TIPIN: variants seen among roughly 807,000 people sequenced by gnomAD.
TIPIN encodes the protein TIMELESS interacting protein, also known as TIMELESS-interacting protein.
A neutral mutation model predicts 35.6 loss-of-function variants in TIPIN; 29 were observed. The observed-to-expected ratio is 0.82, with a 90% CI of 0.61 to 1.11. The LOEUF (loss-of-function observed/expected upper bound fraction) is 1.11, where lower values mean the gene tolerates loss of function less well. TIPIN is among the 50% of genes most tolerant of loss of function. The probability of loss-of-function intolerance (pLI) is 0.00; values close to 1 mark genes in which losing one functional copy is unlikely to be tolerated. For missense variants in TIPIN, 296 were observed against 345.4 expected (o/e 0.86, Z 1.13); for synonymous variants, 102 against 121.5 (o/e 0.84, Z 1.06).
intron 1 of TIPIN, among the ~76,000 whole-genome samples, chr15:66,378,758 A>G (rs1445578014): frequency 1.4e-5 from 2 of 148,052 alleles, no homozygotes; most frequent in Non-Finnish European, 3.0e-5. Flanking sequence ...TTTTTTTGAG[A>G]CAGGGTCTCA....
Position 66,336,936 on chromosome 15 carries a change from T to C in TIPIN, c.*22A>G. 1 of 1,598,526 alleles carries C rather than the reference T, an allele frequency of 6.3e-7. No individual in the cohort carries two copies. The highest frequency in any genetic ancestry group is 2.2e-5 in the East Asian group (1 of 44,590). ...GCTTGCAGGACGATGACTTAACAGATACATTTTCTCTTAATGGAAACTTAT... is the reference window on the plus strand; with the variant it reads ...GCTTGCAGGACGATGACTTAACAGACACATTTTCTCTTAATGGAAACTTAT... On this transcript the variant is annotated 3_prime_UTR_variant, in exon 8 of 8. Coordinates refer to ENST00000261881, the MANE Select transcript of TIPIN (RefSeq NM_017858.3).
intron 1 of TIPIN, among the ~76,000 whole-genome samples, chr15:66,385,527 T>C (rs1025634385): frequency 6.6e-6 from 1 of 152,058 alleles, no homozygotes; most frequent in African/African-American, 2.4e-5. Flanking sequence ...TCTCACTCTG[T>C]CGCCCAGGCT....
At chr15:66,356,825 G>T (rs764334438), upstream of TIPIN, 2 of 708,196 alleles carry the variant, frequency 2.8e-6, no homozygotes, top group Non-Finnish European at 3.5e-6. Flanking sequence ...TCCCGCCTTC[G>T]GTCCCACAAT....
chr15:66,360,854 T>A (rs1732363674), upstream of TIPIN, among the ~76,000 whole-genome samples: 1 of 152,162 alleles, frequency 6.6e-6, no homozygotes, highest in Admixed American at 6.5e-5. Flanking sequence ...TAATCCCAGC[T>A]ACTGGGGAGG....
intron 1 of TIPIN, chr15:66,383,008 G>C: frequency 2.0e-6 from 2 of 985,238 alleles, no homozygotes; most frequent in Non-Finnish European, 2.4e-6. Context: ...TTAACCATTG[G>C]GGTAATTGTT....
intron 1 of TIPIN, among the ~76,000 whole-genome samples, chr15:66,366,477 G>A (rs2093254752): frequency 6.6e-6 from 1 of 150,446 alleles, no homozygotes; most frequent in Admixed American, 6.7e-5. Context: ...CATTAAGCTG[G>A]GTGCAGTGGC....
At chr15:66,370,497 G>A (rs768624237) in intron 1 of TIPIN, among the ~76,000 whole-genome samples, 8 of 151,796 alleles carry the variant, frequency 5.3e-5, no homozygotes, top group Non-Finnish European at 8.8e-5. Flanking sequence ...AGGGCCAGCA[G>A]GGGCATGGGG....
At chr15:66,372,335 C>T (rs1013294397) in intron 1 of TIPIN, among the ~76,000 whole-genome samples, 19 of 152,180 alleles carry the variant, frequency 1.2e-4, no homozygotes, top group Non-Finnish European at 1.9e-4. Flanking sequence ...ATATTACTTT[C>T]TTGTGTCTAG....
Position 66,336,931 on chromosome 15 carries a change from A to G in TIPIN, c.*27T>C. The G allele has an allele frequency of 6.3e-7, 1 of 1,595,102 alleles. No individual in the cohort carries two copies. Among genetic ancestry groups the G allele is most frequent in the Non-Finnish European group, 8.6e-7 (1 of 1,165,730 alleles). ...GCCAAGCTTGCAGGACGATGACTTA[A>G]CAGATACATTTTCTCTTAATGGAAA... is the stretch of plus-strand genomic sequence containing the variant. On this transcript the variant is annotated 3_prime_UTR_variant, in exon 8 of 8. Transcript: ENST00000261881.
At chr15:66,363,760 A>G (rs2093241258) in intron 1 of TIPIN, among the ~76,000 whole-genome samples, 1 of 151,830 alleles carries the variant, frequency 6.6e-6, no homozygotes, top group Non-Finnish European at 1.5e-5. Flanking sequence ...AGGTGGGTGG[A>G]TCACGAGGTC....
intron 1 of TIPIN, among the ~76,000 whole-genome samples, chr15:66,368,147 C>T (rs935691635): frequency 1.3e-5 from 2 of 151,912 alleles, no homozygotes; most frequent in African/African-American, 4.8e-5. Flanking sequence ...CTTTGTACAT[C>T]TTGGATTATT....
At chr15:66,377,107 CAAAAAAAA>C (rs36061431) in intron 1 of TIPIN, among the ~76,000 whole-genome samples, 1 of 105,468 alleles carries the variant, frequency 9.5e-6, no homozygotes, top group African/African-American at 3.9e-5. Context: ...GACTCCCTCT[CAAAAAAAA>C]AAAAAAAAAA....
intron 1 of TIPIN, among the ~76,000 whole-genome samples, chr15:66,356,361 G>A (rs2093204020): frequency 6.6e-6 from 1 of 152,104 alleles, no homozygotes; most frequent in African/African-American, 2.4e-5. Context: ...GCCCCGGACA[G>A]AAGCCTGGGG....
Position 66,351,275 on chromosome 15 carries a change from CTG to C in TIPIN, c.288+248_288+249del, listed in dbSNP as rs530228684. ...ATTCCTGTAAATTATAAAATAAAAA[CTG>C]AGACTTTACAGACACAGGTGTGATT... On this transcript the variant is annotated intron_variant, in intron 4 of 7. Transcript: ENST00000261881. 1.7e-4 allele frequency among the ~76,000 whole-genome samples: 26 copies of C among 152,290 alleles called. No homozygotes were observed. In the East Asian group the frequency reaches 5.0e-3, roughly 29 times the overall value.
At chr15:66,361,533 G>T (rs2093231065), upstream of TIPIN, among the ~76,000 whole-genome samples, 1 of 146,952 alleles carries the variant, frequency 6.8e-6, no homozygotes, top group African/African-American at 2.5e-5. Flanking sequence ...GAGATTACAG[G>T]TGTGTGCCAC....
Position 66,369,509 on chromosome 15 carries a change from C to T in TIPIN, c.-8-16554G>A, listed in dbSNP as rs201528326. 7.9e-5 allele frequency among the ~76,000 whole-genome samples: 12 copies of T among 151,990 alleles called. No individual in the cohort carries two copies. In the East Asian group the frequency reaches 2.1e-3, roughly 27 times the overall value. ...GACTACAGGCGCCTGCCACCATGCC[C>T]GGCTAATTTTTTGTATTTTTAGTAG... On this transcript the variant is annotated intron_variant, in intron 1 of 7. Coordinates refer to the TIPIN transcript ENST00000562124.
At chr15:66,375,499 T>TTTTA (rs1363329440) in intron 1 of TIPIN, among the ~76,000 whole-genome samples, 2 of 132,840 alleles carry the variant, frequency 1.5e-5, no homozygotes, top group Admixed American at 1.6e-4. Context: ...ATTGGAAAAG[T>TTTTA]TATATATATA....
At chr15:66,356,703 T>C, upstream of TIPIN, 4 of 985,498 alleles carry the variant, frequency 4.1e-6, no homozygotes, top group Non-Finnish European at 4.8e-6. Context: ...CTTCTCGCGA[T>C]ACTCGGGAAC....
intron 1 of TIPIN, among the ~76,000 whole-genome samples, chr15:66,385,033 A>G (rs2140507236): frequency 6.6e-6 from 1 of 152,320 alleles, no homozygotes; most frequent in South Asian, 2.1e-4. Flanking sequence ...CCATACTTCT[A>G]ACGTCATTCT....
Sources: gnomAD v4.1 joint callset for allele counts (sites outside exome capture counted in the v4.1 genomes callset) on GRCh38, gnomAD v4.1.1 for gene constraint, MANE v1.5 for transcripts, NCBI Gene and HGNC (gene_info 2026-07-23, HGNC 2026-07-21) for gene names.